Variants in NRXN3 observed in about 807,000 individuals in gnomAD.
NRXN3 encodes the protein neurexin 3, also known as neurexin III.
A neutral mutation model predicts 137.6 loss-of-function variants in NRXN3; 32 were observed. The ratio of observed to expected loss-of-function variants is 0.23; its 90% CI spans 0.18 to 0.31. The LOEUF (loss-of-function observed/expected upper bound fraction) is 0.31, where lower values mean the gene tolerates loss of function less well. Ranked by LOEUF, NRXN3 falls within the 10% of genes least tolerant of loss-of-function variation. The pLI, the probability that NRXN3 is intolerant of heterozygous loss-of-function variation, is 1.00. For missense variants in NRXN3, 1,574 were observed against 2,062.5 expected (o/e 0.76, Z 4.59); for synonymous variants, 798 against 784.5 (o/e 1.02, Z -0.29).
intron 15 of NRXN3, among the ~76,000 whole-genome samples, chr14:79,361,807 A>G (rs181479432): frequency 1.3e-5 from 2 of 152,094 alleles, no homozygotes; most frequent in Non-Finnish European, 2.9e-5. Flanking sequence ...ATAAGGGAAC[A>G]ATGTGTTTTT....
chr14:78,495,660 G>A (rs1431836199), intron 4 of NRXN3, among the ~76,000 whole-genome samples: 1 of 152,170 alleles, frequency 6.6e-6, no homozygotes, highest in Admixed American at 6.6e-5. Flanking sequence ...TAGGGACCAG[G>A]AATATGCCCT....
chr14:78,748,500 A>G (rs555037936), intron 8 of NRXN3, among the ~76,000 whole-genome samples: 1 of 152,190 alleles, frequency 6.6e-6, no homozygotes, highest in African/African-American at 2.4e-5. Context: ...AATTATTGAA[A>G]GAGCTAAATG....
chr14:79,037,167 A>C (rs1401153068), intron 15 of NRXN3, among the ~76,000 whole-genome samples: 1 of 152,100 alleles, frequency 6.6e-6, no homozygotes, highest in Non-Finnish European at 1.5e-5. Flanking sequence ...AGGAGATTCT[A>C]TAAGATATCA....
At chr14:78,943,610 T>TAA (rs754141401) in intron 10 of NRXN3, among the ~76,000 whole-genome samples, 652 of 28,714 alleles carry the variant, frequency 0.023, 84 homozygotes, top group South Asian at 0.028. Flanking sequence ...AGATCACTGT[T>TAA]AAAAAAAAAA....
At chr14:79,340,147 C>T (rs1170623969) in intron 15 of NRXN3, among the ~76,000 whole-genome samples, 2 of 147,380 alleles carry the variant, frequency 1.4e-5, no homozygotes, top group African/African-American at 5.0e-5. Context: ...CTCGTTTGAC[C>T]TCTGAATTTA....
At chr14:78,318,863 T>C (rs943336751) in intron 4 of NRXN3, among the ~76,000 whole-genome samples, 3 of 152,224 alleles carry the variant, frequency 2.0e-5, no homozygotes, top group African/African-American at 7.2e-5. Context: ...AAGGTTGCAT[T>C]TGACCTTCTC....
chr14:78,385,862 C>T (rs903201945), intron 4 of NRXN3, among the ~76,000 whole-genome samples: 6 of 152,208 alleles, frequency 3.9e-5, no homozygotes, highest in Middle Eastern at 3.4e-3. Context: ...GTAAATGCTA[C>T]GAGATCCAAA....
At chr14:79,130,000 C>T (rs1298897206) in intron 15 of NRXN3, among the ~76,000 whole-genome samples, 1 of 151,792 alleles carries the variant, frequency 6.6e-6, no homozygotes, top group Admixed American at 6.6e-5. Flanking sequence ...AGGATTGCAA[C>T]CCCTGCCTTT....
chr14:78,461,123 G>T (rs1477010139), intron 4 of NRXN3, among the ~76,000 whole-genome samples: 3 of 152,138 alleles, frequency 2.0e-5, no homozygotes, highest in Non-Finnish European at 1.5e-5. Flanking sequence ...GTTTTCAAAT[G>T]TTCTAATACA....
intron 19 of NRXN3, among the ~76,000 whole-genome samples, chr14:79,775,223 A>G (rs927597220): frequency 6.6e-6 from 1 of 152,168 alleles, no homozygotes; most frequent in African/African-American, 2.4e-5. Context: ...TTTGTATTAA[A>G]TATCACCAGA....
At position 78,458,227 on chromosome 14, in the gene NRXN3, A is replaced by G. The variant is rs751403044; in HGVS notation, c.757+160367A>G. 9.9e-5 allele frequency among the ~76,000 whole-genome samples: 15 copies of G among 152,212 alleles called. 1 individual carries two copies. Among genetic ancestry groups the G allele is most frequent in the Admixed American group, 3.3e-4 (5 of 15,282 alleles). On this transcript the variant is annotated intron_variant, in intron 4 of 20. Coordinates refer to ENST00000335750, the MANE Select transcript of NRXN3 (RefSeq NM_001330195.2). The stretch of plus-strand genomic sequence containing the variant: ...TCCAAGAATTTTTACTATGCAACCA[A>G]CCCAGAAAAAATTGTCAGTAGAGCC...
At chr14:79,193,860 C>T (rs1388889842) in intron 15 of NRXN3, among the ~76,000 whole-genome samples, 2 of 152,180 alleles carry the variant, frequency 1.3e-5, no homozygotes, top group South Asian at 2.1e-4. Flanking sequence ...GAATAGTTTA[C>T]CTCTGACTAG....
chr14:78,780,511 G>A lies in NRXN3; in HGVS notation c.2045-23109G>A, dbSNP rs746787680. Among the ~76,000 whole-genome samples the A allele has an allele frequency of 1.1e-4, 17 of 151,982 alleles. No homozygotes were observed. The Middle Eastern group carries it at 0.014, about 122-fold the overall frequency. ...AGAAAGATATGATAAATTAAAAGAC[G>A]AGCTACAGACTTGGAGAAAACATTG... is the stretch of plus-strand genomic sequence containing the variant. On this transcript the variant is annotated intron_variant, in intron 8 of 20. Coordinates refer to ENST00000335750, the MANE Select transcript of NRXN3 (RefSeq NM_001330195.2).
intron 10 of NRXN3, among the ~76,000 whole-genome samples, chr14:78,912,643 A>G (rs1013199743): frequency 6.6e-6 from 1 of 152,150 alleles, no homozygotes; most frequent in Non-Finnish European, 1.5e-5. Context: ...TAGAACTTGG[A>G]GGATCATTTA....
At chr14:78,770,401 A>G (rs765966869) in intron 8 of NRXN3, among the ~76,000 whole-genome samples, 36 of 152,276 alleles carry the variant, frequency 2.4e-4, no homozygotes, top group Non-Finnish European at 4.0e-4. Flanking sequence ...TTCTTTGGCC[A>G]GGTTCCTGTG....
At chr14:79,175,639 A>G (rs1403434282) in intron 15 of NRXN3, among the ~76,000 whole-genome samples, 1 of 152,220 alleles carries the variant, frequency 6.6e-6, no homozygotes, top group South Asian at 2.1e-4. Flanking sequence ...TTCATAGTGT[A>G]TCACACTGCC....
intron 10 of NRXN3, among the ~76,000 whole-genome samples, chr14:78,874,004 C>T (rs1363756167): frequency 6.9e-6 from 1 of 144,986 alleles, no homozygotes; most frequent in African/African-American, 2.7e-5. Context: ...GACAATGTCT[C>T]ACTGTGACCC....
intron 10 of NRXN3, among the ~76,000 whole-genome samples, chr14:78,914,338 T>G (rs2099249255): frequency 6.6e-6 from 1 of 152,190 alleles, no homozygotes; most frequent in South Asian, 2.1e-4. Flanking sequence ...CCTGCACTCT[T>G]GGAACATACA....
chr14:79,841,448 G>A (rs945709198), intron 20 of NRXN3, among the ~76,000 whole-genome samples: 1 of 152,136 alleles, frequency 6.6e-6, no homozygotes, highest in Non-Finnish European at 1.5e-5. Flanking sequence ...ATGAGCTTTT[G>A]GGGAAAACAG....
Sources: gnomAD v4.1 joint callset for allele counts (sites outside exome capture counted in the v4.1 genomes callset) on GRCh38, gnomAD v4.1.1 for gene constraint, MANE v1.5 for transcripts, NCBI Gene and HGNC (gene_info 2026-07-23, HGNC 2026-07-21) for gene names.